TTC27: variants seen among roughly 807,000 people sequenced by gnomAD.
TTC27 encodes tetratricopeptide repeat domain 27.
A neutral mutation model predicts 115.9 loss-of-function variants in TTC27; 79 were observed. That is an observed-to-expected ratio of 0.68 (90% CI 0.57 to 0.82). The LOEUF (loss-of-function observed/expected upper bound fraction) is 0.82. Ranked by LOEUF, TTC27 falls within the 40% of genes least tolerant of loss-of-function variation. The probability of loss-of-function intolerance (pLI) is 0.00; values close to 1 mark genes in which losing one functional copy is unlikely to be tolerated. For synonymous variants in TTC27, 401 were observed against 356.0 expected, an observed-to-expected ratio of 1.13 and a Z score of -1.42; for missense variants, 1,054 against 993.1, an observed-to-expected ratio of 1.06 and a Z score of -0.82.
chr2:32,645,809 C>A (rs974694061), intron 4 of TTC27, among the ~76,000 whole-genome samples: 2 of 149,846 alleles, frequency 1.3e-5, no homozygotes, highest in Admixed American at 1.3e-4. Context: ...CTCCGCCTCC[C>A]GGGTTCAAGT....
intron 16 of TTC27, among the ~76,000 whole-genome samples, chr2:32,802,445 C>A (rs1267617543): frequency 1.3e-5 from 2 of 152,116 alleles, no homozygotes; most frequent in African/African-American, 2.4e-5. Flanking sequence ...CTCTGGTGCT[C>A]TTTTTGTAGT....
At chr2:32,800,789 C>T (rs1473629882) in intron 16 of TTC27, among the ~76,000 whole-genome samples, 2 of 152,142 alleles carry the variant, frequency 1.3e-5, no homozygotes, top group African/African-American at 4.8e-5. Flanking sequence ...CGTGAGCCAC[C>T]GTGCCTGGTC....
intron 14 of TTC27, among the ~76,000 whole-genome samples, chr2:32,779,885 CTT>C (rs1186252396): frequency 6.6e-6 from 1 of 152,156 alleles, no homozygotes; most frequent in Non-Finnish European, 1.5e-5. Flanking sequence ...TGTCTCAAAA[CTT>C]TGTTGAAAAG....
chr2:32,733,862 C>T lies in TTC27; in HGVS notation c.1268C>T (p.Ser423Phe), dbSNP rs1220376385. 5.0e-6 allele frequency: 8 copies of T among 1,611,490 alleles called. No homozygotes were observed. The African/African-American group carries it at 8.0e-5, about 16-fold the overall frequency. ...LADQFEDKTT[S>F]VLERLKIFYC... ...GACCAATTTGAAGATAAAACTACAT[C>T]TGTATTGGAACGCCTGAAGATTTTC... Residue 423 changes from serine to phenylalanine, a missense_variant, in exon 11 of 20, where the codon TCT becomes TTT. Transcript: ENST00000317907.
intron 14 of TTC27, among the ~76,000 whole-genome samples, chr2:32,779,454 G>A (rs1380702558): frequency 6.6e-6 from 1 of 152,132 alleles, no homozygotes; most frequent in African/African-American, 2.4e-5. Context: ...CTTTGGAAAT[G>A]TCTATTCACA....
chr2:32,674,955 C>T (rs970571448), intron 8 of TTC27, among the ~76,000 whole-genome samples: 3 of 152,106 alleles, frequency 2.0e-5, no homozygotes, highest in Admixed American at 6.5e-5. Context: ...AGCCACCGCA[C>T]TTGGCCCTCC....
At position 32,666,377 on chromosome 2, in the gene TTC27, A is replaced by T. The variant is rs1442064734; in HGVS notation, c.806-258A>T. Among the ~76,000 whole-genome samples the T allele has an allele frequency of 6.8e-5, 9 of 133,120 alleles. No homozygotes were observed. The highest frequency in any genetic ancestry group is 4.2e-3 in the Middle Eastern group (1 of 238). The allele number at this position is 133,120 out of a possible 152,430, so 87.3% of individuals were successfully genotyped here. On this transcript the variant is annotated intron_variant, in intron 6 of 19. Coordinates refer to ENST00000317907, the MANE Select transcript of TTC27 (RefSeq NM_017735.5). ...TGTGTTACTTTTTTTTTTTTTTTTT[A>T]AAGGGTGGTAGTTTGATGCAAAAAT...
chr2:32,682,847 G>GT (rs70938360), intron 9 of TTC27, among the ~76,000 whole-genome samples: 764 of 49,756 alleles, frequency 0.015, 42 homozygotes, highest in Admixed American at 0.12. Context: ...TTTTATTGTT[G>GT]TTTTTTTTTT....
intron 12 of TTC27, among the ~76,000 whole-genome samples, chr2:32,754,827 A>AC (rs573564211): frequency 0.62 from 78,515 of 126,026 alleles, 24,063 homozygotes; most frequent in East Asian, 0.68. Context: ...GGGGGGGCTG[A>AC]CCCCCCCCAC....
intron 12 of TTC27, among the ~76,000 whole-genome samples, chr2:32,744,093 T>A (rs1401274437): frequency 6.6e-6 from 1 of 152,238 alleles, no homozygotes; most frequent in Non-Finnish European, 1.5e-5. Context: ...ATATGATAGA[T>A]ACACATGAGC....
At chr2:32,704,416 G>C (rs990475985) in intron 10 of TTC27, among the ~76,000 whole-genome samples, 6 of 152,054 alleles carry the variant, frequency 3.9e-5, no homozygotes, top group Admixed American at 2.6e-4. Context: ...TTGAACTCCT[G>C]GCCTCCAGTG....
At chr2:32,767,453 G>GTTTTTTTTTT (rs397754905) in intron 13 of TTC27, among the ~76,000 whole-genome samples, 4 of 114,228 alleles carry the variant, frequency 3.5e-5, no homozygotes, top group Non-Finnish European at 5.0e-5. Context: ...GTTTTTTTTT[G>GTTTTTTTTTT]TTTTTTTTTT....
intron 13 of TTC27, among the ~76,000 whole-genome samples, chr2:32,762,893 G>GC (rs1669495984): frequency 6.6e-6 from 1 of 152,142 alleles, no homozygotes; most frequent in African/African-American, 2.4e-5. Flanking sequence ...GCCCGCCTCG[G>GC]TCTCCCAAAG....
chr2:32,683,305 C>G (rs958425983), intron 9 of TTC27, among the ~76,000 whole-genome samples: 1 of 152,078 alleles, frequency 6.6e-6, no homozygotes, highest in African/African-American at 2.4e-5. Flanking sequence ...AGTCTTAATA[C>G]TCCTACCAGA....
intron 7 of TTC27, among the ~76,000 whole-genome samples, chr2:32,668,029 CA>C (rs919111369): frequency 1.3e-3 from 187 of 141,206 alleles, no homozygotes; most frequent in Middle Eastern, 3.7e-3. Flanking sequence ...ATTAAAAATA[CA>C]AAAAAAAAAA....
intron 8 of TTC27, among the ~76,000 whole-genome samples, chr2:32,676,880 T>A (rs1459620233): frequency 6.7e-6 from 1 of 149,886 alleles, no homozygotes; most frequent in Admixed American, 6.8e-5. Context: ...GGAATTACAT[T>A]CCATATATAT....
intron 16 of TTC27, among the ~76,000 whole-genome samples, chr2:32,801,881 A>G (rs1034478984): frequency 8.5e-5 from 13 of 152,226 alleles, no homozygotes; most frequent in East Asian, 3.8e-4. Context: ...TGGAAAACTA[A>G]TAAAACTTTT....
At chr2:32,805,819 G>C (rs991789879) in intron 16 of TTC27, among the ~76,000 whole-genome samples, 10 of 152,174 alleles carry the variant, frequency 6.6e-5, no homozygotes, top group African/African-American at 2.4e-4. Flanking sequence ...TGGCCCCTTT[G>C]ATGGAACAGT....
At chr2:32,659,839 A>G (rs1210491534) in intron 5 of TTC27, among the ~76,000 whole-genome samples, 1 of 152,196 alleles carries the variant, frequency 6.6e-6, no homozygotes, top group Non-Finnish European at 1.5e-5. Context: ...TGCAAAGGAC[A>G]TGAACTCATC....
Sources: gnomAD v4.1 joint callset for allele counts (sites outside exome capture counted in the v4.1 genomes callset) on GRCh38, gnomAD v4.1.1 for gene constraint, MANE v1.5 for transcripts, NCBI Gene and HGNC (gene_info 2026-07-23, HGNC 2026-07-21) for gene names.